Variants in COBL observed in about 807,000 individuals in gnomAD.
The protein encoded by COBL is protein cordon-bleu.
A neutral mutation model predicts 98.8 loss-of-function variants in COBL; 51 were observed. The ratio of observed to expected loss-of-function variants is 0.52; its 90% CI spans 0.41 to 0.65. COBL has a LOEUF of 0.65. Among genes scored for constraint, COBL ranks in the 30% least tolerant of loss-of-function variants. The pLI is 0.00. For missense variants in COBL, 1,617 were observed against 1,617.5 expected, an observed-to-expected ratio of 1.00 and a Z score of 0.01; for synonymous variants, 634 against 651.7, an observed-to-expected ratio of 0.97 and a Z score of 0.41.
chr7:51,316,808 C>G lies in COBL; in HGVS notation c.-175G>C. 2.3e-6 allele frequency: 1 copy of G among 439,024 alleles called. No individual in the cohort carries two copies. The highest frequency in any genetic ancestry group is 3.5e-6 in the Non-Finnish European group (1 of 281,970). The allele number at this position is 439,024 out of a possible 1,614,324, so 27.2% of individuals were successfully genotyped here. A position where few individuals can be genotyped will look rare whatever the true frequency, so the allele number is the denominator to read the frequency against. On this transcript the variant is annotated 5_prime_UTR_variant, in exon 1 of 13. Transcript: ENST00000265136. ...CGGACGGAAGGGGCTGGAATCGTCT[C>G]TAGCGGGCGGGGGCGCCGGGAGCGC...
At chr7:51,069,874 C>T (rs574008947) in intron 7 of COBL, among the ~76,000 whole-genome samples, 1 of 152,206 alleles carries the variant, frequency 6.6e-6, no homozygotes. Flanking sequence ...TTTCTCCTCA[C>T]TTCCTGCCCT....
In COBL at chr7:51,136,175, C is replaced by A. The variant is rs1448959992; in HGVS notation, c.940G>T (p.Asp314Tyr). Reference sequence around the variant, plus strand: ...TGCCCTACCTTTTCCGATGCCTTGTCTTGCACAGGTGGCCCTGAACCTGGA... The same window carrying A: ...TGCCCTACCTTTTCCGATGCCTTGTATTGCACAGGTGGCCCTGAACCTGGA... ...PPPGSGPPVQDKASEKVSLGS... is the reference protein window; with the variant it reads ...PPPGSGPPVQYKASEKVSLGS... Residue 314 changes from aspartate to tyrosine, a missense_variant, in exon 6 of 13, where the codon GAC becomes TAC. By Grantham distance (160) the Asp-to-Tyr change is radical. This residue lies in a region of COBL where 1,304 missense variants were observed against 1,282.0 expected (regional missense o/e 1.02). Transcript: ENST00000265136. 6.2e-7 allele frequency: 1 copy of A among 1,612,282 alleles called. No individual in the cohort carries two copies. The highest frequency in any genetic ancestry group is 2.2e-5 in the East Asian group (1 of 44,884).
chr7:51,093,612 C>T (rs1159327490), intron 6 of COBL, among the ~76,000 whole-genome samples: 2 of 152,210 alleles, frequency 1.3e-5, no homozygotes, highest in Non-Finnish European at 2.9e-5. Flanking sequence ...ATCCCCACAG[C>T]AGGGCACAAT....
chr7:51,150,853 T>C (rs914066775), intron 5 of COBL, among the ~76,000 whole-genome samples: 3 of 152,206 alleles, frequency 2.0e-5, no homozygotes, highest in African/African-American at 4.8e-5. Flanking sequence ...CACAAAATTA[T>C]AGCTGGGATG....
In COBL at chr7:51,189,107, A is replaced by T. The variant is rs1029188624; in HGVS notation, c.685+1743T>A. 2.6e-5 allele frequency among the ~76,000 whole-genome samples: 4 copies of T among 152,230 alleles called. No individual in the cohort carries two copies. The East Asian group carries it at 5.8e-4, about 22-fold the overall frequency. ...CTGAGACTATTTCTGTCTGTGTTTT[A>T]AAAAAGACACTGGATAAAACACAAG... On this transcript the variant is annotated intron_variant, in intron 4 of 12. Coordinates refer to ENST00000265136, the MANE Select transcript of COBL (RefSeq NM_015198.5).
At chr7:51,172,870 T>C (rs959557021) in intron 5 of COBL, among the ~76,000 whole-genome samples, 2 of 151,966 alleles carry the variant, frequency 1.3e-5, no homozygotes, top group African/African-American at 4.8e-5. Flanking sequence ...TTCACTGCAA[T>C]CTCCACCTCC....
intron 6 of COBL, among the ~76,000 whole-genome samples, chr7:51,091,157 T>C (rs1028848661): frequency 1.3e-5 from 2 of 152,074 alleles, no homozygotes; most frequent in African/African-American, 2.4e-5. Flanking sequence ...CAGGGAAACA[T>C]GGCCCAATTA....
At chr7:51,027,527 T>C (rs1461841644) in intron 10 of COBL, among the ~76,000 whole-genome samples, 185 bp downstream of exon 10, 1 of 152,226 alleles carries the variant, frequency 6.6e-6, no homozygotes, top group Non-Finnish European at 1.5e-5. Context: ...GTCCCTTTAA[T>C]AGTTCAGTAC....
At chr7:51,092,151 A>G (rs1794871323) in intron 6 of COBL, among the ~76,000 whole-genome samples, 1 of 152,146 alleles carries the variant, frequency 6.6e-6, no homozygotes, top group African/African-American at 2.4e-5. Context: ...TGGGATCTAG[A>G]TTGTGCACTC....
At chr7:51,195,195 T>C (rs1584128690) in intron 2 of COBL, among the ~76,000 whole-genome samples, 1 of 152,130 alleles carries the variant, frequency 6.6e-6, no homozygotes, top group South Asian at 2.1e-4. Context: ...CTTTTGTACA[T>C]GGTATGTGGA....
At chr7:51,024,612 C>T (rs991287830) in intron 12 of COBL, among the ~76,000 whole-genome samples, 3 of 152,078 alleles carry the variant, frequency 2.0e-5, no homozygotes, top group Non-Finnish European at 2.9e-5. Flanking sequence ...CTTCAGATTC[C>T]GTAACTGTCC....
chr7:51,085,205 G>A lies in COBL; in HGVS notation c.1057C>T (p.Arg353Cys), dbSNP rs147541675. 57 of 1,613,880 alleles carry A rather than the reference G, an allele frequency of 3.5e-5. No homozygotes were observed. Among genetic ancestry groups the A allele is most frequent in the Middle Eastern group, 3.3e-4 (2 of 6,084 alleles). The change falls in exon 7 of 13, where the codon CGC becomes TGC. Residue 353 changes from arginine (R) to cysteine (C), a missense_variant. Physicochemically the swap from Arg to Cys is radical, Grantham distance 180. Around this residue, in one of 3 missense-constraint regions of COBL, gnomAD observed 1,304 missense variants for 1,282.0 expected, o/e 1.02. Coordinates refer to ENST00000265136, the MANE Select transcript of COBL (RefSeq NM_015198.5). ...PPPPSPLIPN[R>C]TEDKEENRKS... ...CTGTTCTCCTCCTTATCCTCAGTGC[G>A]GTTGGGGATCAGGGGACTCGGTGGT...
At chr7:51,057,879 C>T (rs1001354060) in intron 7 of COBL, among the ~76,000 whole-genome samples, 1 of 152,160 alleles carries the variant, frequency 6.6e-6, no homozygotes, top group Admixed American at 6.5e-5. Flanking sequence ...CCCTCCATGC[C>T]CTGAAAGGAT....
chr7:51,187,238 G>C (rs951334445), intron 4 of COBL, among the ~76,000 whole-genome samples: 2 of 151,352 alleles, frequency 1.3e-5, no homozygotes, highest in East Asian at 3.9e-4. Context: ...ATGGAAGCGG[G>C]GGACCAGGTC....
intron 6 of COBL, among the ~76,000 whole-genome samples, chr7:51,109,334 G>A (rs991797109): frequency 2.0e-5 from 3 of 152,162 alleles, no homozygotes; most frequent in Admixed American, 6.5e-5. Context: ...CTGCCAGTGC[G>A]GTTCCTGTAG....
intron 12 of COBL, among the ~76,000 whole-genome samples, chr7:51,023,869 C>G (rs1158544642): frequency 6.6e-6 from 1 of 152,232 alleles, no homozygotes; most frequent in Admixed American, 6.5e-5. Context: ...TGATCCGTGT[C>G]TAAGTCCAGG....
In COBL at chr7:51,188,098, G is replaced by A. The variant is rs115610407; in HGVS notation, c.685+2752C>T. On this transcript the variant is annotated intron_variant, in intron 4 of 12. Coordinates refer to ENST00000265136, the MANE Select transcript of COBL (RefSeq NM_015198.5). ...AGAAGGTCTCTTGCTGGGTCAGCTT[G>A]CCTCTCTGGGCTGGCCCTCTCAGGG... 2,460 of 628,416 alleles carry A rather than the reference G, an allele frequency of 3.9e-3. 44 individuals are homozygous for A. In the African/African-American group the frequency reaches 0.042, roughly 11 times the overall value. 38.9% of individuals were successfully genotyped at this position (628,416 alleles called of 1,614,324 possible).
intron 6 of COBL, among the ~76,000 whole-genome samples, chr7:51,108,102 C>A (rs1562921933): frequency 6.6e-6 from 1 of 152,172 alleles, no homozygotes. Flanking sequence ...CACCCAGAGG[C>A]CACGCTTCCA....
In COBL at chr7:51,242,019, A is replaced by C. The variant is rs1795837582; in HGVS notation, c.42-22075T>G. 1.3e-5 allele frequency among the ~76,000 whole-genome samples: 2 copies of C among 152,204 alleles called. 1 individual carries two copies. Among genetic ancestry groups the C allele is most frequent in the South Asian group, 4.1e-4 (2 of 4,832 alleles). On this transcript the variant is annotated intron_variant, in intron 1 of 12. Transcript: ENST00000265136. ...CTCCCCTTTCCTGCGTACAGATGAA[A>C]AACTGAAAGCACCTCTGACTGGTCC...
Sources: allele counts gnomAD v4.1 joint callset (sites outside exome capture counted in the v4.1 genomes callset), GRCh38; gene constraint gnomAD v4.1.1; regional missense constraint gnomAD v4.1.1; transcripts MANE v1.5; gene names NCBI Gene and HGNC (gene_info 2026-07-23, HGNC 2026-07-21).